VANGL1: variants seen among roughly 807,000 people sequenced by gnomAD.
The protein encoded by VANGL1 is VANGL planar cell polarity protein 1.
Under a neutral mutation model 48.4 loss-of-function variants are expected in VANGL1, and 18 were observed. That is an observed-to-expected ratio of 0.37 (90% CI 0.26 to 0.55). The LOEUF is 0.55. Ranked by LOEUF, VANGL1 falls within the 20% of genes least tolerant of loss-of-function variation. The pLI is 0.81. For synonymous variants in VANGL1, 257 were observed against 261.8 expected (o/e 0.98, Z 0.18); for missense variants, 667 against 675.8 (o/e 0.99, Z 0.14).
At position 115,663,652 on chromosome 1, in the gene VANGL1, C is replaced by T; in HGVS notation, c.205-9C>T. On this transcript the variant is annotated splice_polypyrimidine_tract_variant and intron_variant, in intron 3 of 7. Coordinates refer to ENST00000355485, the MANE Select transcript of VANGL1 (RefSeq NM_138959.3). ...TGTCATGTCATCCTCACTGTCTTCT[C>T]CCCACCAGGATGACAACTGGGGAGA... The T allele has an allele frequency of 6.2e-7, 1 of 1,614,140 alleles. No homozygotes were observed.
intron 4 of VANGL1, among the ~76,000 whole-genome samples, chr1:115,677,755 G>C (rs557410546): frequency 3.9e-5 from 6 of 152,308 alleles, no homozygotes; most frequent in African/African-American, 1.4e-4. Context: ...TGAGTCCACA[G>C]TCTATACTTC....
intron 2 of VANGL1, among the ~76,000 whole-genome samples, chr1:115,652,422 A>G (rs1557762665): frequency 6.6e-6 from 1 of 152,258 alleles, no homozygotes; most frequent in Admixed American, 6.5e-5. Context: ...GTGAAATTGC[A>G]GTGCTGCTGT....
chr1:115,684,364 T>A (rs997939386), intron 6 of VANGL1, among the ~76,000 whole-genome samples: 1 of 152,088 alleles, frequency 6.6e-6, no homozygotes, highest in African/African-American at 2.4e-5. Flanking sequence ...GGTCTCAAAC[T>A]CCTGACCTCG....
chr1:115,643,540 G>A (rs1651812373), intron 1 of VANGL1, among the ~76,000 whole-genome samples: 2 of 152,168 alleles, frequency 1.3e-5, no homozygotes, highest in African/African-American at 4.8e-5. Context: ...ATTCCCAAAC[G>A]TTGATGTCTC....
At chr1:115,662,993 G>T (rs1336549814) in intron 3 of VANGL1, among the ~76,000 whole-genome samples, 1 of 152,114 alleles carries the variant, frequency 6.6e-6, no homozygotes, top group African/African-American at 2.4e-5. Context: ...CACCATGTTG[G>T]CCAGGATGTT....
chr1:115,680,642 T>C (rs1653349801), intron 4 of VANGL1, among the ~76,000 whole-genome samples: 1 of 152,234 alleles, frequency 6.6e-6, no homozygotes, highest in Non-Finnish European at 1.5e-5. Context: ...CAGAAAGTTT[T>C]ACCATGATTC....
At chr1:115,655,129 C>A (rs1220230374) in intron 2 of VANGL1, among the ~76,000 whole-genome samples, 1 of 152,192 alleles carries the variant, frequency 6.6e-6, no homozygotes, top group Non-Finnish European at 1.5e-5. Flanking sequence ...CGCTCCTACC[C>A]CAGCCATAGC....
intron 1 of VANGL1, among the ~76,000 whole-genome samples, chr1:115,644,280 T>G (rs1651834837): frequency 6.6e-6 from 1 of 152,228 alleles, no homozygotes; most frequent in Non-Finnish European, 1.5e-5. Context: ...CTTAAACACT[T>G]GTTATGCGGA....
intron 4 of VANGL1, among the ~76,000 whole-genome samples, chr1:115,681,650 G>A (rs1039869581): frequency 6.6e-6 from 1 of 151,996 alleles, no homozygotes; most frequent in Non-Finnish European, 1.5e-5. Flanking sequence ...GGGATTACAG[G>A]TGCATGCCAC....
Position 115,691,169 on chromosome 1 carries a change from GGACCGC to G in VANGL1, c.1366_1371del (p.Asp456_Arg457del). 6.2e-7 allele frequency: 1 copy of G among 1,614,112 alleles called. No individual in the cohort carries two copies. Among genetic ancestry groups the G allele is most frequent in the Non-Finnish European group, 8.5e-7 (1 of 1,180,020 alleles). The stretch of plus-strand genomic sequence containing the variant: ...CGGGCCCCACCCTGCAATATGACAA[GGACCGC>G]TGGCTCTCTACACAGTGGAGGCTTG... On this transcript the variant is annotated inframe_deletion, in exon 8 of 8. Transcript: ENST00000355485.
chr1:115,658,900 C>A (rs560698955), intron 2 of VANGL1, among the ~76,000 whole-genome samples: 1 of 152,048 alleles, frequency 6.6e-6, no homozygotes, highest in African/African-American at 2.4e-5. Context: ...TAAAATGATG[C>A]AGCAGCCTGC....
intron 4 of VANGL1, among the ~76,000 whole-genome samples, chr1:115,682,108 T>G (rs1479052272): frequency 2.0e-5 from 3 of 152,248 alleles, no homozygotes; most frequent in Non-Finnish European, 4.4e-5. Flanking sequence ...CTTCTTCCTC[T>G]TTCAACAAAG....
At position 115,663,892 on chromosome 1, in the gene VANGL1, G is replaced by A. The variant is rs1652666503; in HGVS notation, c.436G>A (p.Gly146Ser). The A allele has an allele frequency of 1.2e-6, 2 of 1,614,044 alleles. No individual in the cohort carries two copies. Among genetic ancestry groups the A allele is most frequent in the Admixed American group, 1.7e-5 (1 of 59,996 alleles). The change falls in exon 4 of 8, where the codon GGC becomes AGC. Residue 146 changes from glycine (G) to serine (S), a missense_variant. Transcript: ENST00000355485. ...GTGGAGGGATGAGCTGGAGCCTTGT[G>A]GCACAATTTGTGAGGGGCTCTTTAT... ...ILWRDELEPC[G>S]TICEGLFISM...
At chr1:115,648,951 A>G (rs1227550019) in intron 1 of VANGL1, among the ~76,000 whole-genome samples, 10 of 152,168 alleles carry the variant, frequency 6.6e-5, no homozygotes, top group Admixed American at 6.5e-4. Context: ...GGGCCAGGGA[A>G]CTGGACATTT....
intron 4 of VANGL1, among the ~76,000 whole-genome samples, chr1:115,671,748 C>T (rs1246938498): frequency 1.3e-5 from 2 of 152,196 alleles, no homozygotes; most frequent in Admixed American, 1.3e-4. Flanking sequence ...GGCCTACAAG[C>T]AGGGCTGCAT....
At chr1:115,661,086 G>C (rs1652530196) in intron 3 of VANGL1, among the ~76,000 whole-genome samples, 1 of 152,146 alleles carries the variant, frequency 6.6e-6, no homozygotes, top group Admixed American at 6.5e-5. Flanking sequence ...GTTGCCCCAG[G>C]ATGATCTGGT....
Position 115,694,427 on chromosome 1 carries a change from AGAGACTAG to A in VANGL1, c.*3049_*3056del, listed in dbSNP as rs1410076389. 6.6e-6 allele frequency: 1 copy of A among 152,166 alleles called. No homozygotes were observed. The highest frequency in any genetic ancestry group is 1.5e-5 in the Non-Finnish European group (1 of 68,038). The allele number at this position is 152,166 out of a possible 1,614,324, so 9.4% of individuals were successfully genotyped here. On this transcript the variant is annotated 3_prime_UTR_variant, in exon 8 of 8. Transcript: ENST00000355485. ...GGGCTTGGGACTCCTTTTTTAATGG[AGAGACTAG>A]CTGTGCAGGTGTGTGTTGGATAGGG...
intron 4 of VANGL1, among the ~76,000 whole-genome samples, chr1:115,669,964 T>G (rs1300350259): frequency 2.0e-5 from 3 of 152,208 alleles, no homozygotes; most frequent in African/African-American, 7.2e-5. Flanking sequence ...CAAATTCATA[T>G]GTGGAAGCCC....
At chr1:115,661,116 G>A (rs927195502) in intron 3 of VANGL1, among the ~76,000 whole-genome samples, 96 of 152,310 alleles carry the variant, frequency 6.3e-4, no homozygotes, top group African/African-American at 2.2e-3. Flanking sequence ...ATTGAGATGG[G>A]TGTTTGGAGG....
Sources: allele counts gnomAD v4.1 joint callset (sites outside exome capture counted in the v4.1 genomes callset), GRCh38; gene constraint gnomAD v4.1.1; transcripts MANE v1.5; gene names NCBI Gene and HGNC (gene_info 2026-07-23, HGNC 2026-07-21).